GRIA1: variants seen among roughly 807,000 people sequenced by gnomAD.
GRIA1 encodes the protein glutamate receptor 1.
A neutral mutation model predicts 99.2 loss-of-function variants in GRIA1; 31 were observed. That is an observed-to-expected ratio of 0.31 (90% CI 0.23 to 0.42). The LOEUF (loss-of-function observed/expected upper bound fraction) is 0.42. Among genes scored for constraint, GRIA1 ranks in the 10% least tolerant of loss-of-function variants. GRIA1 has a pLI of 1.00. For synonymous variants in GRIA1, 438 were observed against 432.4 expected (o/e 1.01, Z -0.16); for missense variants, 782 against 1,157.5 (o/e 0.68, Z 4.71).
At chr5:153,622,620 T>C (rs1189737878) in intron 2 of GRIA1, among the ~76,000 whole-genome samples, 1 of 152,244 alleles carries the variant, frequency 6.6e-6, no homozygotes, top group Non-Finnish European at 1.5e-5. Flanking sequence ...ATAGCAGGCT[T>C]TCTTCTCTGA....
At chr5:153,637,547 A>G (rs982351304) in intron 2 of GRIA1, among the ~76,000 whole-genome samples, 17 of 152,234 alleles carry the variant, frequency 1.1e-4, no homozygotes, top group African/African-American at 4.1e-4. Flanking sequence ...GGAGTTTGCC[A>G]TATGGGGTGA....
At chr5:153,570,793 T>C (rs1447929799) in intron 2 of GRIA1, among the ~76,000 whole-genome samples, 2 of 152,202 alleles carry the variant, frequency 1.3e-5, no homozygotes, top group East Asian at 3.9e-4. Context: ...GCTCAATGCC[T>C]GGCACATAGT....
At chr5:153,605,016 G>C (rs1274238251) in intron 2 of GRIA1, among the ~76,000 whole-genome samples, 7 of 151,920 alleles carry the variant, frequency 4.6e-5, no homozygotes, top group South Asian at 2.1e-4. Context: ...GCAAAACCCC[G>C]TCTCTACTAA....
intron 8 of GRIA1, among the ~76,000 whole-genome samples, chr5:153,689,217 T>A (rs1757564634): frequency 6.6e-6 from 1 of 152,108 alleles, no homozygotes; most frequent in Admixed American, 6.6e-5. Flanking sequence ...TTCTGAGAAC[T>A]GCTGGTATCA....
intron 11 of GRIA1, among the ~76,000 whole-genome samples, chr5:153,762,321 A>T (rs1370548109): frequency 6.6e-6 from 1 of 152,176 alleles, no homozygotes; most frequent in Non-Finnish European, 1.5e-5. Context: ...ACAAAATAAA[A>T]TTTTAAAAAG....
intron 4 of GRIA1, among the ~76,000 whole-genome samples, chr5:153,653,040 G>C (rs986304925): frequency 1.3e-5 from 2 of 152,134 alleles, no homozygotes; most frequent in Non-Finnish European, 2.9e-5. Flanking sequence ...GCCTGTGTCT[G>C]TCTCCAGCCC....
chr5:153,723,622 C>T (rs976479915), intron 11 of GRIA1, among the ~76,000 whole-genome samples: 2 of 152,216 alleles, frequency 1.3e-5, no homozygotes, highest in African/African-American at 4.8e-5. Flanking sequence ...GTCCTACCCC[C>T]ACGGAGTCTC....
intron 2 of GRIA1, among the ~76,000 whole-genome samples, chr5:153,576,170 A>G (rs1334368103): frequency 6.6e-6 from 1 of 152,232 alleles, no homozygotes; most frequent in Non-Finnish European, 1.5e-5. Flanking sequence ...TCTGTAGAAC[A>G]GCTTAACTTG....
At chr5:153,713,174 C>A (rs1759441421) in intron 11 of GRIA1, among the ~76,000 whole-genome samples, 1 of 152,196 alleles carries the variant, frequency 6.6e-6, no homozygotes, top group African/African-American at 2.4e-5. Context: ...TGAGCGAGGC[C>A]CTTGGCACAG....
intron 13 of GRIA1, among the ~76,000 whole-genome samples, chr5:153,773,293 A>G (rs988255834): frequency 2.0e-5 from 3 of 152,336 alleles, no homozygotes; most frequent in African/African-American, 7.2e-5. Context: ...TGGCAGTCTG[A>G]CTTCAGAGCC....
At chr5:153,557,928 G>A (rs1444494765) in intron 2 of GRIA1, 1 of 152,158 alleles carries the variant, frequency 6.6e-6, no homozygotes, top group Non-Finnish European at 1.5e-5. Flanking sequence ...TTTTTTATAA[G>A]TAGAAAGAGT....
intron 11 of GRIA1, among the ~76,000 whole-genome samples, chr5:153,761,471 C>T (rs1467608060): frequency 7.2e-5 from 11 of 152,128 alleles, no homozygotes. Flanking sequence ...AGTGAGATAT[C>T]ACCTCACCCT....
At chr5:153,597,252 C>T (rs903107907) in intron 2 of GRIA1, among the ~76,000 whole-genome samples, 1 of 152,208 alleles carries the variant, frequency 6.6e-6, no homozygotes, top group African/African-American at 2.4e-5. Context: ...ACTCTTAGTA[C>T]GTTCAGGGAC....
intron 2 of GRIA1, among the ~76,000 whole-genome samples, chr5:153,643,147 G>C (rs140675084): frequency 6.6e-6 from 1 of 152,128 alleles, no homozygotes; most frequent in Non-Finnish European, 1.5e-5. Context: ...AAGTGCACTG[G>C]GGGTTGCTAG....
intron 11 of GRIA1, among the ~76,000 whole-genome samples, chr5:153,723,989 C>T (rs576809520): frequency 3.3e-5 from 5 of 152,312 alleles, no homozygotes; most frequent in African/African-American, 4.8e-5. Context: ...AACTGGGAGG[C>T]GCCCCCCAGT....
At position 153,590,079 on chromosome 5, in the gene GRIA1, G is replaced by A. The variant is rs977218525; in HGVS notation, c.221-56849G>A. On this transcript the variant is annotated intron_variant, in intron 2 of 15. Transcript: ENST00000285900. ...TTTGTAAATTTCCTTTGGTTTTATA[G>A]TTTTAAGATAGCTATAAATAAAGGA... Among the ~76,000 whole-genome samples, 4 of 152,084 alleles carry A rather than the reference G, an allele frequency of 2.6e-5. No homozygotes were observed. The East Asian group carries it at 5.8e-4, about 22-fold the overall frequency.
intron 11 of GRIA1, among the ~76,000 whole-genome samples, chr5:153,746,055 G>A (rs139670488): frequency 2.0e-4 from 31 of 152,332 alleles, no homozygotes; most frequent in African/African-American, 7.0e-4. Context: ...GCTCAGAGAT[G>A]TGAAATGACT....
intron 2 of GRIA1, among the ~76,000 whole-genome samples, chr5:153,556,271 A>G (rs1178615852): frequency 1.5e-5 from 2 of 134,504 alleles, no homozygotes; most frequent in Non-Finnish European, 3.5e-5. Flanking sequence ...GAATTCAACT[A>G]TTCTCTCATT....
intron 4 of GRIA1, among the ~76,000 whole-genome samples, chr5:153,655,517 AC>A (rs746753307): frequency 5.3e-5 from 8 of 152,194 alleles, no homozygotes; most frequent in Non-Finnish European, 8.8e-5. Flanking sequence ...CCTTGGGGTT[AC>A]AGTAACACCA....
Sources: allele counts gnomAD v4.1 joint callset (sites outside exome capture counted in the v4.1 genomes callset), GRCh38; gene constraint gnomAD v4.1.1; transcripts MANE v1.5; gene names NCBI Gene and HGNC (gene_info 2026-07-23, HGNC 2026-07-21).